CAMK1D: variants seen among roughly 807,000 people sequenced by gnomAD.
CAMK1D encodes calcium/calmodulin dependent protein kinase ID, also known as calcium/calmodulin-dependent protein kinase type 1D.
CAMK1D carries 9 observed loss-of-function variants against 47.7 expected under a neutral mutation model. That is an observed-to-expected ratio of 0.19 (90% CI 0.11 to 0.33). CAMK1D has a LOEUF of 0.33. Among genes scored for constraint, CAMK1D ranks in the 10% least tolerant of loss-of-function variants. The pLI, the probability that CAMK1D is intolerant of heterozygous loss-of-function variation, is 1.00. For missense variants in CAMK1D, 291 were observed against 488.7 expected (o/e 0.60, Z 3.81); for synonymous variants, 184 against 184.9 (o/e 0.99, Z 0.04).
chr10:12,645,385 A>G (rs912571781), intron 2 of CAMK1D, among the ~76,000 whole-genome samples: 2 of 152,206 alleles, frequency 1.3e-5, no homozygotes, highest in Non-Finnish European at 2.9e-5. Context: ...GTCCTTGATC[A>G]TAAGCAACAA....
At chr10:12,376,762 T>C (rs980366147) in intron 1 of CAMK1D, among the ~76,000 whole-genome samples, 1 of 151,280 alleles carries the variant, frequency 6.6e-6, no homozygotes, top group African/African-American at 2.4e-5. Context: ...TTCTTTTCTT[T>C]TTTTTTTTTG....
At chr10:12,739,829 C>T (rs1209415195) in intron 3 of CAMK1D, among the ~76,000 whole-genome samples, 2 of 152,036 alleles carry the variant, frequency 1.3e-5, no homozygotes, top group African/African-American at 2.4e-5. Flanking sequence ...AGCTACCGAC[C>T]CATCGAATCA....
intron 1 of CAMK1D, among the ~76,000 whole-genome samples, chr10:12,552,738 A>T (rs1836625807): frequency 1.3e-5 from 2 of 151,886 alleles, no homozygotes; most frequent in Admixed American, 1.3e-4. Flanking sequence ...TTTTTGAAAA[A>T]CTTTTATTAT....
At chr10:12,407,331 G>C (rs923827903) in intron 1 of CAMK1D, among the ~76,000 whole-genome samples, 1 of 152,244 alleles carries the variant, frequency 6.6e-6, no homozygotes, top group Non-Finnish European at 1.5e-5. Flanking sequence ...ACTGCCAGGG[G>C]AAGGGAACTC....
At chr10:12,748,342 A>G (rs1197801419) in intron 3 of CAMK1D, among the ~76,000 whole-genome samples, 6 of 152,198 alleles carry the variant, frequency 3.9e-5, no homozygotes, top group Non-Finnish European at 8.8e-5. Context: ...GGAAAAATGC[A>G]TGAAACTCAT....
At chr10:12,572,039 A>AC (rs3062649) in intron 2 of CAMK1D, among the ~76,000 whole-genome samples, 61,764 of 139,206 alleles carry the variant, frequency 0.44, 13,363 homozygotes, top group African/African-American at 0.52. Context: ...CAAAAACTAA[A>AC]CCCCCCCCCA....
At chr10:12,354,656 T>TGCCTCG (rs1207340126) in intron 1 of CAMK1D, among the ~76,000 whole-genome samples, 8 of 151,834 alleles carry the variant, frequency 5.3e-5, no homozygotes, top group African/African-American at 1.9e-4. Context: ...GTGATCCGCC[T>TGCCTCG]GCCTCGGCCT....
chr10:12,515,023 T>A (rs576544869), intron 1 of CAMK1D, among the ~76,000 whole-genome samples: 23 of 151,558 alleles, frequency 1.5e-4, no homozygotes, highest in East Asian at 1.2e-3. Context: ...GCTAATTTTT[T>A]TTTTTTATTT....
intron 3 of CAMK1D, among the ~76,000 whole-genome samples, chr10:12,728,583 A>T (rs1286227613): frequency 6.6e-6 from 1 of 152,196 alleles, no homozygotes; most frequent in Non-Finnish European, 1.5e-5. Flanking sequence ...TGTTGGTGTG[A>T]TAATAAGGCT....
At chr10:12,630,615 C>T (rs1488331920) in intron 2 of CAMK1D, among the ~76,000 whole-genome samples, 1 of 152,028 alleles carries the variant, frequency 6.6e-6, no homozygotes, top group Admixed American at 6.5e-5. Context: ...AATGAGGTCT[C>T]ACTATGTTGC....
intron 1 of CAMK1D, among the ~76,000 whole-genome samples, chr10:12,501,688 A>T (rs1272143782): frequency 6.6e-6 from 1 of 152,144 alleles, no homozygotes; most frequent in African/African-American, 2.4e-5. Context: ...TGACATCTGG[A>T]AACATTTGGG....
At chr10:12,407,100 C>T (rs1839461293) in intron 1 of CAMK1D, among the ~76,000 whole-genome samples, 1 of 152,208 alleles carries the variant, frequency 6.6e-6, no homozygotes, top group African/African-American at 2.4e-5. Flanking sequence ...CCTCCTTATA[C>T]TGTAAAATGC....
intron 3 of CAMK1D, among the ~76,000 whole-genome samples, chr10:12,717,785 T>G (rs1834208525): frequency 6.7e-6 from 1 of 149,008 alleles, no homozygotes; most frequent in Non-Finnish European, 1.5e-5. Flanking sequence ...TCCCAGCTAC[T>G]TGGGAGGCTG....
intron 3 of CAMK1D, among the ~76,000 whole-genome samples, chr10:12,708,872 G>A (rs1040921837): frequency 2.6e-5 from 4 of 152,096 alleles, no homozygotes; most frequent in Admixed American, 2.6e-4. Flanking sequence ...GCTCATATCT[G>A]TAATCCCAGC....
chr10:12,783,772 C>T (rs1011285565), intron 5 of CAMK1D, among the ~76,000 whole-genome samples: 1 of 152,118 alleles, frequency 6.6e-6, no homozygotes, highest in African/African-American at 2.4e-5. Flanking sequence ...TTTCCGTTCG[C>T]CAGGAATACT....
At chr10:12,466,959 A>T (rs1418755400) in intron 1 of CAMK1D, among the ~76,000 whole-genome samples, 1 of 152,080 alleles carries the variant, frequency 6.6e-6, no homozygotes, top group Non-Finnish European at 1.5e-5. Flanking sequence ...CAAAAGGCTT[A>T]TAGGGTTTTG....
At chr10:12,547,682 T>TCTCTCACACACA (rs10643491) in intron 1 of CAMK1D, among the ~76,000 whole-genome samples, 45 of 116,570 alleles carry the variant, frequency 3.9e-4, no homozygotes, top group East Asian at 1.0e-3. Flanking sequence ...TTTCTCTCTC[T>TCTCTCACACACA]CACACACACA....
At chr10:12,383,602 A>C (rs1838406053) in intron 1 of CAMK1D, among the ~76,000 whole-genome samples, 1 of 152,228 alleles carries the variant, frequency 6.6e-6, no homozygotes, top group African/African-American at 2.4e-5. Flanking sequence ...ACAAGCATAA[A>C]GAATATTGAA....
intron 2 of CAMK1D, among the ~76,000 whole-genome samples, chr10:12,565,373 C>G (rs1301417655): frequency 3.9e-5 from 6 of 152,212 alleles, no homozygotes; most frequent in African/African-American, 1.4e-4. Flanking sequence ...CCTGCCTCAG[C>G]CTCCCAAGTA....
Sources: allele counts gnomAD v4.1 joint callset (sites outside exome capture counted in the v4.1 genomes callset), GRCh38; gene constraint gnomAD v4.1.1; transcripts MANE v1.5; gene names NCBI Gene and HGNC (gene_info 2026-07-23, HGNC 2026-07-21).